Variants in SYNDIG1 observed in about 807,000 individuals in gnomAD.
SYNDIG1 encodes synapse differentiation inducing 1.
SYNDIG1 carries 9 observed loss-of-function variants against 19.4 expected under a neutral mutation model. The ratio of observed to expected loss-of-function variants is 0.46; its 90% CI spans 0.28 to 0.81. The LOEUF (loss-of-function observed/expected upper bound fraction) is 0.81. Ranked by LOEUF, SYNDIG1 falls within the 30% of genes least tolerant of loss-of-function variation. SYNDIG1 has a pLI of 0.12. For synonymous variants in SYNDIG1, 141 were observed against 145.9 expected (o/e 0.97, Z 0.24); for missense variants, 311 against 343.3 (o/e 0.91, Z 0.74).
intron 1 of SYNDIG1, among the ~76,000 whole-genome samples, chr20:24,482,789 T>C (rs139661176): frequency 6.6e-6 from 1 of 152,220 alleles, no homozygotes; most frequent in Non-Finnish European, 1.5e-5. Flanking sequence ...TGGATCAATG[T>C]CCATGGTAAA....
At chr20:24,660,954 G>T (rs1045226168) in intron 3 of SYNDIG1, among the ~76,000 whole-genome samples, 1 of 152,200 alleles carries the variant, frequency 6.6e-6, no homozygotes, top group Non-Finnish European at 1.5e-5. Flanking sequence ...CTGGTCACCC[G>T]CCCGCAGTGC....
At chr20:24,519,006 G>T (rs1300115719) in intron 1 of SYNDIG1, among the ~76,000 whole-genome samples, 1 of 152,208 alleles carries the variant, frequency 6.6e-6, no homozygotes, top group East Asian at 1.9e-4. Context: ...TTACTAGCTG[G>T]CAGAGAATAA....
chr20:24,515,386 G>A (rs139759537), intron 1 of SYNDIG1, among the ~76,000 whole-genome samples: 1,585 of 152,240 alleles, frequency 0.01, 34 homozygotes, highest in African/African-American at 0.036. Flanking sequence ...TAGGAAAAGA[G>A]GAAGTCAAAT....
chr20:24,618,189 G>GTA, intron 3 of SYNDIG1, among the ~76,000 whole-genome samples: 2 of 144,504 alleles, frequency 1.4e-5, no homozygotes, highest in Admixed American at 6.8e-5. Context: ...GGGGAAGGGG[G>GTA]AGAGCCTGGG....
At chr20:24,523,325 G>A (rs747929549) in intron 1 of SYNDIG1, among the ~76,000 whole-genome samples, 2 of 152,158 alleles carry the variant, frequency 1.3e-5, no homozygotes, top group African/African-American at 2.4e-5. Context: ...AGTTTAGCAC[G>A]ATGCTTGGGA....
In SYNDIG1 at chr20:24,584,909, G is replaced by A. The variant is rs536225349; in HGVS notation, c.534G>A (p.Pro178=). ...AGGACAATTTCCTCATGATGCCCCC[G>A]CGGGACCACCTGGGCCTCAGTGTCT... ...ESEDNFLMMP[P]RDHLGLSVFS... The change falls in exon 3 of 4, where the codon CCG becomes CCA. Residue 178 remains proline (P), a synonymous_variant. Coordinates refer to ENST00000376862, the MANE Select transcript of SYNDIG1 (RefSeq NM_024893.3). 2.8e-5 allele frequency: 45 copies of A among 1,614,102 alleles called. No individual in the cohort carries two copies. In the Middle Eastern group the frequency reaches 2.3e-3, roughly 83 times the overall value.
rs528555207 is a variant in SYNDIG1 at position 24,665,552 on chromosome 20, C to G, written c.*48C>G. On this transcript the variant is annotated 3_prime_UTR_variant, in exon 4 of 4. Coordinates refer to ENST00000376862, the MANE Select transcript of SYNDIG1 (RefSeq NM_024893.3). ...GCACCCGGGGCCAGGTCTGTGTGGA[C>G]GTGGAGGAAGCAGGCATACCGCATG... 6.2e-7 allele frequency: 1 copy of G among 1,608,746 alleles called. No homozygotes were observed. Among genetic ancestry groups the G allele is most frequent in the Non-Finnish European group, 8.5e-7 (1 of 1,178,526 alleles).
At chr20:24,493,569 A>G (rs533057711) in intron 1 of SYNDIG1, among the ~76,000 whole-genome samples, 4 of 152,236 alleles carry the variant, frequency 2.6e-5, no homozygotes, top group Non-Finnish European at 5.9e-5. Context: ...ATCTTCCCCA[A>G]TATTAAATAT....
intron 1 of SYNDIG1, among the ~76,000 whole-genome samples, chr20:24,472,842 G>A (rs2055508235): frequency 6.6e-6 from 1 of 152,190 alleles, no homozygotes. Context: ...GTTCTTAGAG[G>A]AGTCAGTCAG....
At chr20:24,526,426 T>C (rs933938551) in intron 1 of SYNDIG1, among the ~76,000 whole-genome samples, 1 of 152,210 alleles carries the variant, frequency 6.6e-6, no homozygotes, top group Admixed American at 6.5e-5. Flanking sequence ...CATTTGCCTA[T>C]GTATATTTAA....
At chr20:24,476,250 A>G (rs1428993789) in intron 1 of SYNDIG1, among the ~76,000 whole-genome samples, 2 of 151,824 alleles carry the variant, frequency 1.3e-5, no homozygotes, top group Non-Finnish European at 2.9e-5. Flanking sequence ...TAATAGTTTA[A>G]TACACTAAAT....
chr20:24,479,545 T>C (rs2055736118), intron 1 of SYNDIG1, among the ~76,000 whole-genome samples: 2 of 152,094 alleles, frequency 1.3e-5, no homozygotes, highest in South Asian at 4.2e-4. Context: ...CTGATAATGA[T>C]ACTCAGTAAC....
chr20:24,488,211 A>G (rs910993513), intron 1 of SYNDIG1, among the ~76,000 whole-genome samples: 1 of 152,234 alleles, frequency 6.6e-6, no homozygotes, highest in Non-Finnish European at 1.5e-5. Context: ...TCAGCTGGTC[A>G]TTTATTGCTC....
intron 2 of SYNDIG1, among the ~76,000 whole-genome samples, chr20:24,551,510 T>C (rs2057705979): frequency 6.6e-6 from 1 of 152,066 alleles, no homozygotes; most frequent in South Asian, 2.1e-4. Flanking sequence ...ATTTATGACA[T>C]CCTGCCCTCT....
chr20:24,639,278 G>A (rs927197472), intron 3 of SYNDIG1, among the ~76,000 whole-genome samples: 15 of 152,156 alleles, frequency 9.9e-5, no homozygotes, highest in African/African-American at 3.4e-4. Flanking sequence ...CATGAACCAG[G>A]TGCATGTGCC....
intron 3 of SYNDIG1, among the ~76,000 whole-genome samples, chr20:24,588,383 G>A (rs939998159): frequency 6.6e-6 from 1 of 152,244 alleles, no homozygotes; most frequent in African/African-American, 2.4e-5. Context: ...CAAAGTGTTA[G>A]TGAGGTGGGT....
intron 3 of SYNDIG1, among the ~76,000 whole-genome samples, chr20:24,606,979 G>GA (rs1319143605): frequency 6.6e-6 from 1 of 152,216 alleles, no homozygotes; most frequent in Non-Finnish European, 1.5e-5. Flanking sequence ...GAGTTTGCAA[G>GA]AATCATGTGT....
In SYNDIG1 at chr20:24,474,997, A is replaced by G. The variant is rs1341493977; in HGVS notation, c.-79+5244A>G. Among the ~76,000 whole-genome samples, 4 of 152,326 alleles carry G rather than the reference A, an allele frequency of 2.6e-5. No homozygotes were observed. The East Asian group carries it at 7.7e-4, about 29-fold the overall frequency. ...TCTGAAAGGGAGATACAGTAATCTT[A>G]CCTCAAATACACTTGGAACCACCCC... On this transcript the variant is annotated intron_variant, in intron 1 of 3. Coordinates refer to ENST00000376862, the MANE Select transcript of SYNDIG1 (RefSeq NM_024893.3).
chr20:24,600,508 C>T (rs1003327239), intron 3 of SYNDIG1, among the ~76,000 whole-genome samples: 48 of 152,188 alleles, frequency 3.2e-4, no homozygotes, highest in African/African-American at 1.1e-3. Flanking sequence ...CCAGTGACCA[C>T]TGGAATGACC....
Sources: allele counts gnomAD v4.1 joint callset (sites outside exome capture counted in the v4.1 genomes callset), GRCh38; gene constraint gnomAD v4.1.1; transcripts MANE v1.5; gene names NCBI Gene and HGNC (gene_info 2026-07-23, HGNC 2026-07-21).